The following RMDN3 variants were observed in gnomAD, a reference collection of about 807,000 sequenced individuals.
RMDN3 encodes regulator of microtubule dynamics 3.
Under a neutral mutation model 61.8 loss-of-function variants are expected in RMDN3, and 41 were observed. The observed-to-expected ratio is 0.66, with a 90% CI of 0.52 to 0.86. RMDN3 has a LOEUF of 0.86. RMDN3 is among the 40% of genes least tolerant of loss of function. RMDN3 has a pLI of 0.00. For synonymous variants in RMDN3, 247 were observed against 232.0 expected (o/e 1.06, Z -0.59); for missense variants, 557 against 585.3 (o/e 0.95, Z 0.50).
In RMDN3 at chr15:40,745,055, C is replaced by T; in HGVS notation, c.729G>A (p.Gln243=). 6.2e-7 allele frequency: 1 copy of T among 1,614,142 alleles called. No individual in the cohort carries two copies. Among genetic ancestry groups the T allele is most frequent in the Non-Finnish European group, 8.5e-7 (1 of 1,180,012 alleles). Reference sequence around the variant, plus strand: ...CACCCCTGTGCAGCTCGTCGGCCTGCTGCAGGAGGGGCAGCACATCCTCCA... The same window carrying T: ...CACCCCTGTGCAGCTCGTCGGCCTGTTGCAGGAGGGGCAGCACATCCTCCA... ...SGLEDVLPLL[Q]QADELHRGDE... is the part of the protein sequence containing the mutation. The change falls in exon 5 of 13, where the codon CAG becomes CAA. Residue 243 remains glutamine (Q), a synonymous_variant. Coordinates refer to ENST00000338376, the MANE Select transcript of RMDN3 (RefSeq NM_018145.3).
intron 4 of RMDN3, among the ~76,000 whole-genome samples, chr15:40,746,335 G>GA (rs1208230739): frequency 6.6e-6 from 1 of 152,008 alleles, no homozygotes; most frequent in Admixed American, 6.6e-5. Flanking sequence ...CTAACACGGT[G>GA]AAACCCTGTC....
In RMDN3 at chr15:40,737,302, C is replaced by G. The variant is rs748987853; in HGVS notation, c.1264G>C (p.Val422Leu). 1 of 1,613,998 alleles carries G rather than the reference C, an allele frequency of 6.2e-7. No individual in the cohort carries two copies. The highest frequency in any genetic ancestry group is 8.5e-7 in the Non-Finnish European group (1 of 1,179,890). ...LQPGFSKAGR[V>L]YISKCYRELG... ...AATGAGTTTACCTTGGAAATATATA[C>G]CCTTCCTGCTTTGGAAAATCCTGGC... The change falls in exon 11 of 13, where the codon GTA becomes CTA. Residue 422 changes from valine (V) to leucine (L), a missense_variant. Val to Leu is a conservative substitution (Grantham distance 32, BLOSUM62 1). Coordinates refer to ENST00000338376, the MANE Select transcript of RMDN3 (RefSeq NM_018145.3).
At chr15:40,742,905 G>T (rs924786004) in intron 6 of RMDN3, among the ~76,000 whole-genome samples, 49 of 152,318 alleles carry the variant, frequency 3.2e-4, no homozygotes, top group African/African-American at 1.1e-3. Flanking sequence ...CTTTTGGAGA[G>T]AAAAAGTAAT....
chr15:40,740,224 A>G lies in RMDN3; in HGVS notation c.911-31T>C, dbSNP rs373906222. The G allele has an allele frequency of 1.2e-3, 1,776 of 1,467,436 alleles. 3 individuals are homozygous for G. The highest frequency in any genetic ancestry group is 1.5e-3 in the Non-Finnish European group (1,612 of 1,049,858). 90.9% of individuals were successfully genotyped at this position (1,467,436 alleles called of 1,614,324 possible). A position where few individuals can be genotyped will look rare whatever the true frequency, so the allele number is the denominator to read the frequency against. On this transcript the variant is annotated intron_variant, in intron 6 of 12. Coordinates refer to ENST00000338376, the MANE Select transcript of RMDN3 (RefSeq NM_018145.3). ...GGACGAAGGTAGATCCAGAGTTGAC[A>G]TAGCTCTTATGCACACTTTCATAGG...
chr15:40,743,328 G>A (rs1897355622), intron 6 of RMDN3, among the ~76,000 whole-genome samples: 1 of 151,966 alleles, frequency 6.6e-6, no homozygotes, highest in African/African-American at 2.4e-5. Context: ...GGCTGAGGCA[G>A]GAGAATTGCT....
At chr15:40,747,956 A>C (rs1403529925) in intron 4 of RMDN3, among the ~76,000 whole-genome samples, 1 of 152,142 alleles carries the variant, frequency 6.6e-6, no homozygotes, top group Non-Finnish European at 1.5e-5. Flanking sequence ...CTTCACGATG[A>C]GGCTGCAGGC....
Position 40,752,147 on chromosome 15 carries a change from AG to A in RMDN3, c.218del (p.Ala73ValfsTer26). 6.2e-7 allele frequency: 1 copy of A among 1,614,074 alleles called. No individual in the cohort carries two copies. Among genetic ancestry groups the A allele is most frequent in the Non-Finnish European group, 8.5e-7 (1 of 1,179,988 alleles). On this transcript the variant is annotated frameshift_variant, in exon 3 of 13. Transcript: ENST00000338376. LOFTEE classifies it high-confidence loss of function. ...GGCTGGGCAGCACTGAGGCATCTCC[AG>A]CCCCACCTGGGACAGCCCGCAGGAG... ...VMLLRAVPGG[A>X]GDASVLPSLP...
intron 11 of RMDN3, 38 bp from the exon 12 acceptor site, chr15:40,737,242 T>A: frequency 6.2e-7 from 1 of 1,612,132 alleles, no homozygotes; most frequent in South Asian, 1.1e-5. Context: ...TACTGTGTAC[T>A]TTCAGGAGTT....
intron 4 of RMDN3, chr15:40,747,580 C>T (rs562216026): frequency 6.6e-6 from 1 of 152,306 alleles, no homozygotes; most frequent in African/African-American, 2.4e-5. Flanking sequence ...CAGACTAACC[C>T]AGCCAGCCTT....
chr15:40,738,344 T>C (rs1897145234), intron 8 of RMDN3, among the ~76,000 whole-genome samples, 157 bp downstream of exon 8: 2 of 151,766 alleles, frequency 1.3e-5, no homozygotes, highest in South Asian at 4.2e-4. Context: ...ATCACACCAC[T>C]GCACTCCAGC....
At chr15:40,740,957 T>G (rs1480520684) in intron 6 of RMDN3, among the ~76,000 whole-genome samples, 1 of 149,628 alleles carries the variant, frequency 6.7e-6, no homozygotes, top group East Asian at 2.0e-4. Context: ...TGTTGGCACA[T>G]CCTGTAGTCC....
Position 40,736,298 on chromosome 15 carries a change from A to AT in RMDN3, c.*242dup, listed in dbSNP as rs536065749. On this transcript the variant is annotated 3_prime_UTR_variant, in exon 13 of 13. Coordinates refer to ENST00000338376, the MANE Select transcript of RMDN3 (RefSeq NM_018145.3). ...AATCCTGGGGCAGGTGTGAATCTTG[A>AT]TTTTTTTAAGAGATTACTCAAGGGA... The AT allele has an allele frequency of 1.5e-3, 712 of 460,872 alleles. 10 individuals are homozygous for AT. The highest frequency in any genetic ancestry group is 0.013 in the African/African-American group (641 of 49,568). 28.5% of individuals were successfully genotyped at this position (460,872 alleles called of 1,614,324 possible).
intron 3 of RMDN3, 116 bp from the exon 4 acceptor site, chr15:40,751,685 A>G: frequency 6.8e-7 from 1 of 1,477,548 alleles, no homozygotes; most frequent in Non-Finnish European, 9.4e-7. Flanking sequence ...AAGCAGAGAA[A>G]ATCCTAAGTC....
At chr15:40,741,956 A>C (rs1297014344) in intron 6 of RMDN3, among the ~76,000 whole-genome samples, 1 of 151,806 alleles carries the variant, frequency 6.6e-6, no homozygotes, top group East Asian at 1.9e-4. Context: ...CAAGTTTGGA[A>C]GGGAACATGG....
Position 40,744,065 on chromosome 15 carries a change from T to A in RMDN3, c.892A>T (p.Lys298Ter), listed in dbSNP as rs1897389229. Reference protein sequence around the residue: ...CELTEEVSEKKSYALDGKEEA... With the variant: ...CELTEEVSEK ...CACTTACCATCTAGGGCATATGACT[T>A]CTTCTCGCTCACCTCCTCAGTGAGC... Residue 298 changes from lysine to a stop codon, truncating the protein, a stop_gained, in exon 6 of 13, where the codon AAG (lysine) becomes TAG (stop). Transcript: ENST00000338376. LOFTEE classifies it high-confidence loss of function. The A allele has an allele frequency of 2.5e-6, 4 of 1,612,960 alleles. No individual in the cohort carries two copies. Among genetic ancestry groups the A allele is most frequent in the African/African-American group, 2.7e-5 (2 of 74,870 alleles).
At chr15:40,741,354 T>A (rs556158473) in intron 6 of RMDN3, among the ~76,000 whole-genome samples, 25 of 151,518 alleles carry the variant, frequency 1.6e-4, no homozygotes, top group East Asian at 1.2e-3. Flanking sequence ...AAAAAAAAAA[T>A]TCTCAAAAGG....
At position 40,752,071 on chromosome 15, in the gene RMDN3, T is replaced by C. The variant is rs1478800461; in HGVS notation, c.295A>G (p.Thr99Ala). 15 of 1,614,048 alleles carry C rather than the reference T, an allele frequency of 9.3e-6. No individual in the cohort carries two copies. The highest frequency in any genetic ancestry group is 1.3e-5 in the Non-Finnish European group (15 of 1,180,038). Residue 99 changes from threonine to alanine, a missense_variant, in exon 3 of 13, where the codon ACC (threonine) becomes GCC (alanine). Thr to Ala is a moderately conservative substitution (Grantham distance 58). Coordinates refer to ENST00000338376, the MANE Select transcript of RMDN3 (RefSeq NM_018145.3). ...TCCCGCCGCAGCGCCACAAGGCTGG[T>C]CAGCACAAAGTCCAGGCGGTCCAGC... ...KVLDRLDFVLTSLVALRREVE... is the reference protein window; with the variant it reads ...KVLDRLDFVLASLVALRREVE...
At chr15:40,746,910 G>A (rs1897594328) in intron 4 of RMDN3, among the ~76,000 whole-genome samples, 1 of 151,750 alleles carries the variant, frequency 6.6e-6, no homozygotes, top group Non-Finnish European at 1.5e-5. Flanking sequence ...GAAATCAAAG[G>A]GACAAGGATA....
At chr15:40,748,265 CAG>C (rs1258609181) in intron 4 of RMDN3, among the ~76,000 whole-genome samples, 1 of 152,220 alleles carries the variant, frequency 6.6e-6, no homozygotes, top group Non-Finnish European at 1.5e-5. Context: ...AAAGCCATTT[CAG>C]AGTTTGTAGA....
Sources: gnomAD v4.1 joint callset for allele counts (sites outside exome capture counted in the v4.1 genomes callset) on GRCh38, gnomAD v4.1.1 for gene constraint, MANE v1.5 for transcripts, NCBI Gene and HGNC (gene_info 2026-07-23, HGNC 2026-07-21) for gene names.